The following PLCXD3 variants were observed in gnomAD, a reference collection of about 807,000 sequenced individuals.
The protein encoded by PLCXD3 is phosphatidylinositol specific phospholipase C X domain containing 3.
A neutral mutation model predicts 25.5 loss-of-function variants in PLCXD3; 19 were observed. The ratio of observed to expected loss-of-function variants is 0.75; its 90% CI spans 0.52 to 1.09. PLCXD3 has a LOEUF of 1.09. PLCXD3 is among the 50% of genes least tolerant of loss of function. PLCXD3 has a pLI of 0.00. For missense variants in PLCXD3, 411 were observed against 388.1 expected (o/e 1.06, Z -0.50); for synonymous variants, 174 against 137.6 (o/e 1.26, Z -1.85).
At chr5:41,316,196 G>C (rs1743286171) in intron 2 of PLCXD3, among the ~76,000 whole-genome samples, 1 of 152,172 alleles carries the variant, frequency 6.6e-6, no homozygotes, top group African/African-American at 2.4e-5. Flanking sequence ...GCACCAGTCA[G>C]AGTCATGAGG....
intron 1 of PLCXD3, among the ~76,000 whole-genome samples, chr5:41,478,089 C>T (rs1748319365): frequency 6.6e-6 from 1 of 152,280 alleles, no homozygotes; most frequent in East Asian, 1.9e-4. Context: ...TCATGATAGG[C>T]TGGCCATGTT....
At chr5:41,482,836 C>T (rs1319430323) in intron 1 of PLCXD3, among the ~76,000 whole-genome samples, 2 of 152,168 alleles carry the variant, frequency 1.3e-5, no homozygotes, top group African/African-American at 2.4e-5. Flanking sequence ...GTGTACCATT[C>T]AGTAGTGTTA....
At chr5:41,402,307 A>G (rs1191596038) in intron 1 of PLCXD3, among the ~76,000 whole-genome samples, 1 of 151,764 alleles carries the variant, frequency 6.6e-6, no homozygotes, top group Non-Finnish European at 1.5e-5. Context: ...AATTAAAATT[A>G]TTTTATAATT....
intron 1 of PLCXD3, among the ~76,000 whole-genome samples, chr5:41,417,510 C>T (rs1050437856): frequency 2.0e-5 from 3 of 152,194 alleles, no homozygotes; most frequent in Admixed American, 6.5e-5. Context: ...AAGATAGACC[C>T]TGTTACTGAA....
chr5:41,432,187 C>T (rs998858317), intron 1 of PLCXD3, among the ~76,000 whole-genome samples: 2 of 152,176 alleles, frequency 1.3e-5, no homozygotes, highest in Non-Finnish European at 2.9e-5. Context: ...TAAATTACGA[C>T]TTAAAGAAGC....
chr5:41,501,719 A>T (rs1024701055), intron 1 of PLCXD3, among the ~76,000 whole-genome samples: 2 of 152,158 alleles, frequency 1.3e-5, no homozygotes, highest in Non-Finnish European at 2.9e-5. Context: ...CAATAAAAAA[A>T]ATAAGGTGTG....
chr5:41,410,708 T>TA (rs1746494569), intron 1 of PLCXD3, among the ~76,000 whole-genome samples: 1 of 152,090 alleles, frequency 6.6e-6, no homozygotes, highest in Non-Finnish European at 1.5e-5. Flanking sequence ...GACAAGGACC[T>TA]AAAACTGAGC....
At chr5:41,478,195 G>A (rs1561285042) in intron 1 of PLCXD3, among the ~76,000 whole-genome samples, 1 of 152,170 alleles carries the variant, frequency 6.6e-6, no homozygotes, top group African/African-American at 2.4e-5. Context: ...CCAAAGCGCT[G>A]GGTTGTTAGA....
At chr5:41,376,564 C>T (rs1359967047) in intron 2 of PLCXD3, among the ~76,000 whole-genome samples, 2 of 152,078 alleles carry the variant, frequency 1.3e-5, no homozygotes, top group Admixed American at 6.6e-5. Context: ...CTCTTGTCCT[C>T]AAGATTTCCT....
At chr5:41,431,583 T>G (rs1047700177) in intron 1 of PLCXD3, among the ~76,000 whole-genome samples, 1 of 152,186 alleles carries the variant, frequency 6.6e-6, no homozygotes, top group Non-Finnish European at 1.5e-5. Flanking sequence ...TTACATTATA[T>G]AGCTGTTTGC....
intron 2 of PLCXD3, among the ~76,000 whole-genome samples, chr5:41,377,956 G>A (rs988935948): frequency 6.6e-6 from 1 of 152,002 alleles, no homozygotes; most frequent in Non-Finnish European, 1.5e-5. Context: ...ATAATTGCCT[G>A]GTAACTTTCC....
chr5:41,447,486 TGA>T lies in PLCXD3; in HGVS notation c.103+62936_103+62937del, dbSNP rs200627915. Among the ~76,000 whole-genome samples, 420 of 151,664 alleles carry T rather than the reference TGA, an allele frequency of 2.8e-3. 2 individuals carry two copies. Among genetic ancestry groups the T allele is most frequent in the African/African-American group, 9.6e-3 (398 of 41,372 alleles). ...GAAGGAGGGAAAAGAGGCAGAAGGG[TGA>T]GAGAGAGAGATTTGTTCAGAGAGAC... On this transcript the variant is annotated intron_variant, in intron 1 of 2. Coordinates refer to ENST00000377801, the MANE Select transcript of PLCXD3 (RefSeq NM_001005473.3).
intron 1 of PLCXD3, among the ~76,000 whole-genome samples, chr5:41,399,503 A>T (rs1409868447): frequency 6.6e-6 from 1 of 152,136 alleles, no homozygotes; most frequent in African/African-American, 2.4e-5. Flanking sequence ...AGACACATAG[A>T]CCAATAGAAC....
intron 2 of PLCXD3, among the ~76,000 whole-genome samples, chr5:41,358,184 G>C (rs1172160071): frequency 1.3e-5 from 2 of 152,332 alleles, no homozygotes; most frequent in Middle Eastern, 3.4e-3. Flanking sequence ...TAATTTTACA[G>C]AGGAGGAACT....
At chr5:41,351,325 G>T (rs552539819) in intron 2 of PLCXD3, among the ~76,000 whole-genome samples, 2 of 152,062 alleles carry the variant, frequency 1.3e-5, no homozygotes, top group Non-Finnish European at 2.9e-5. Context: ...TATATCACAC[G>T]AATGTCTCTT....
intron 2 of PLCXD3, among the ~76,000 whole-genome samples, chr5:41,319,144 A>G (rs1743385819): frequency 6.6e-6 from 1 of 152,140 alleles, no homozygotes; most frequent in South Asian, 2.1e-4. Flanking sequence ...AAAGAGAGAA[A>G]TAGGCCCTAA....
At chr5:41,375,177 G>GAGAGAGAGAGAGAGAGAA (rs763900672) in intron 2 of PLCXD3, among the ~76,000 whole-genome samples, 23 of 151,700 alleles carry the variant, frequency 1.5e-4, no homozygotes, top group African/African-American at 5.6e-4. Flanking sequence ...GAGAGAAAGA[G>GAGAGAGAGAGAGAGAGAA]AAAGAGAGAG....
intron 2 of PLCXD3, among the ~76,000 whole-genome samples, chr5:41,370,920 GTTC>G (rs1201264777): frequency 3.9e-5 from 6 of 152,110 alleles, no homozygotes; most frequent in Non-Finnish European, 5.9e-5. Context: ...AAAGAACTAT[GTTC>G]TTCTATTTTT....
chr5:41,344,369 T>A (rs1447746664), intron 2 of PLCXD3, among the ~76,000 whole-genome samples: 2 of 152,142 alleles, frequency 1.3e-5, no homozygotes, highest in African/African-American at 4.8e-5. Flanking sequence ...AAGGTAGAAC[T>A]TTTCACATTT....
Sources: gnomAD v4.1 joint callset for allele counts (sites outside exome capture counted in the v4.1 genomes callset) on GRCh38, gnomAD v4.1.1 for gene constraint, MANE v1.5 for transcripts, NCBI Gene and HGNC (gene_info 2026-07-23, HGNC 2026-07-21) for gene names.